Variants in KIAA1143 observed in about 807,000 individuals in gnomAD.
The protein encoded by KIAA1143 is KIAA1143, also known as uncharacterized protein KIAA1143.
A neutral mutation model predicts 17.0 loss-of-function variants in KIAA1143; 8 were observed. The observed-to-expected ratio is 0.47, with a 90% CI of 0.28 to 0.85. KIAA1143 has a LOEUF of 0.85. Among genes scored for constraint, KIAA1143 ranks in the 40% least tolerant of loss-of-function variants. The probability of loss-of-function intolerance (pLI) is 0.12; values close to 1 mark genes in which losing one functional copy is unlikely to be tolerated. For synonymous variants in KIAA1143, 64 were observed against 67.8 expected (o/e 0.94, Z 0.27); for missense variants, 162 against 183.3 (o/e 0.88, Z 0.67).
chr3:44,760,271 A>T (rs1448998114), intron 1 of KIAA1143, among the ~76,000 whole-genome samples: 1 of 152,218 alleles, frequency 6.6e-6, no homozygotes, highest in African/African-American at 2.4e-5. Flanking sequence ...CTTTCTTGTC[A>T]TTCATGTGTT....
intron 1 of KIAA1143, among the ~76,000 whole-genome samples, chr3:44,759,676 T>G (rs998091575): frequency 3.3e-5 from 5 of 151,986 alleles, no homozygotes; most frequent in Non-Finnish European, 7.4e-5. Flanking sequence ...GGAGGATTGC[T>G]TGAGTCCAGG....
Position 44,749,276 on chromosome 3 carries a change from A to C in KIAA1143, c.*4065T>G, listed in dbSNP as rs1419097939. 6.6e-6 allele frequency: 1 copy of C among 152,044 alleles called. No homozygotes were observed. Among genetic ancestry groups the C allele is most frequent in the Non-Finnish European group, 1.5e-5 (1 of 68,032 alleles). 9.4% of individuals were successfully genotyped at this position (152,044 alleles called of 1,614,324 possible). A position where few individuals can be genotyped will look rare whatever the true frequency, so the allele number is the denominator to read the frequency against. On this transcript the variant is annotated 3_prime_UTR_variant, in exon 3 of 3. Transcript: ENST00000296121. Reference sequence around the variant, plus strand: ...TGGTGGCGGGCGACTGTAGTCCCAGATACTTGGGAGGCTGAGGCAAGAGAA... The same window carrying C: ...TGGTGGCGGGCGACTGTAGTCCCAGCTACTTGGGAGGCTGAGGCAAGAGAA...
rs373344137 is a variant in KIAA1143 at position 44,749,848 on chromosome 3, T to C, written c.*3493A>G. On this transcript the variant is annotated 3_prime_UTR_variant, in exon 3 of 3. Transcript: ENST00000296121. ...CTCTGTTGCCCAGGCTGGAGTGCAG[T>C]GGTGCAATCATAGCTCACTGCAGCG... 6.6e-6 allele frequency: 1 copy of C among 152,244 alleles called. No individual in the cohort carries two copies. Among genetic ancestry groups the C allele is most frequent in the Non-Finnish European group, 1.5e-5 (1 of 68,060 alleles). 9.4% of individuals were successfully genotyped at this position (152,244 alleles called of 1,614,324 possible).
rs1704877923 is a variant in KIAA1143 at position 44,750,301 on chromosome 3, T to C, written c.*3040A>G. ...AGGCTTATATTAGGCTTATTTGTAA[T>C]GTTTGAATTATACAGGAAACATTGT... On this transcript the variant is annotated 3_prime_UTR_variant, in exon 3 of 3. Coordinates refer to ENST00000296121, the MANE Select transcript of KIAA1143 (RefSeq NM_020696.4). 1 of 152,230 alleles carries C rather than the reference T, an allele frequency of 6.6e-6. No individual in the cohort carries two copies. The highest frequency in any genetic ancestry group is 2.4e-5 in the African/African-American group (1 of 41,464). 9.4% of individuals were successfully genotyped at this position (152,230 alleles called of 1,614,324 possible).
intron 1 of KIAA1143, among the ~76,000 whole-genome samples, chr3:44,759,624 C>T (rs1000039206): frequency 6.6e-6 from 1 of 151,854 alleles, no homozygotes; most frequent in African/African-American, 2.4e-5. Context: ...CCTAAATGGC[C>T]CAGGCATAGT....
intron 1 of KIAA1143, among the ~76,000 whole-genome samples, chr3:44,758,937 A>C (rs1167403846): frequency 6.7e-6 from 1 of 150,134 alleles, no homozygotes; most frequent in Non-Finnish European, 1.5e-5. Context: ...ATCATGGCTG[A>C]CTGCAGCCTC....
intron 1 of KIAA1143, among the ~76,000 whole-genome samples, chr3:44,757,041 C>T (rs1332639990): frequency 6.6e-6 from 1 of 152,080 alleles, no homozygotes; most frequent in East Asian, 1.9e-4. Flanking sequence ...AGGGAAATTC[C>T]CTTGAGTACA....
chr3:44,755,982 A>G (rs1313045725), intron 1 of KIAA1143, among the ~76,000 whole-genome samples: 1 of 152,194 alleles, frequency 6.6e-6, no homozygotes, highest in Non-Finnish European at 1.5e-5. Context: ...ATTCTCTTTA[A>G]TGGTATCTAT....
intron 1 of KIAA1143, among the ~76,000 whole-genome samples, chr3:44,759,039 T>A (rs1267110043): frequency 6.6e-6 from 1 of 152,076 alleles, no homozygotes; most frequent in East Asian, 1.9e-4. Flanking sequence ...AAATTTTGTA[T>A]TTTTTGTAGA....
chr3:44,749,249 C>T lies in KIAA1143; in HGVS notation c.*4092G>A, dbSNP rs573272132. The T allele has an allele frequency of 6.2e-4, 94 of 152,090 alleles. No homozygotes were observed. The South Asian group carries it at 0.011, about 17-fold the overall frequency. The allele number at this position is 152,090 out of a possible 1,614,324, so 9.4% of individuals were successfully genotyped here. A position where few individuals can be genotyped will look rare whatever the true frequency, so the allele number is the denominator to read the frequency against. ...TAAAAATACAAAAAAATTAGCCGGG[C>T]GTGGTGGCGGGCGACTGTAGTCCCA... is the stretch of plus-strand genomic sequence containing the variant. On this transcript the variant is annotated 3_prime_UTR_variant, in exon 3 of 3. Transcript: ENST00000296121.
chr3:44,756,268 A>G (rs1339490817), intron 1 of KIAA1143, among the ~76,000 whole-genome samples: 2 of 152,210 alleles, frequency 1.3e-5, no homozygotes, highest in African/African-American at 4.8e-5. Context: ...AACTCTCAAG[A>G]AAGTGAATAG....
chr3:44,757,083 A>T (rs1704984456), intron 1 of KIAA1143, among the ~76,000 whole-genome samples: 1 of 152,202 alleles, frequency 6.6e-6, no homozygotes, highest in Non-Finnish European at 1.5e-5. Flanking sequence ...TATTACTTGG[A>T]AAGGATTCCC....
At chr3:44,757,686 T>C (rs1430649144) in intron 1 of KIAA1143, among the ~76,000 whole-genome samples, 1 of 152,130 alleles carries the variant, frequency 6.6e-6, no homozygotes, top group Non-Finnish European at 1.5e-5. Context: ...ATGGATAAGG[T>C]AAAGAGAAAA....
At position 44,754,293 on chromosome 3, in the gene KIAA1143, A is replaced by G; in HGVS notation, c.184T>C (p.Leu62=). 6.2e-7 allele frequency: 1 copy of G among 1,614,030 alleles called. No individual in the cohort carries two copies. Among genetic ancestry groups the G allele is most frequent in the Non-Finnish European group, 8.5e-7 (1 of 1,179,930 alleles). The change falls in exon 2 of 3, where the codon TTA becomes CTA. Residue 62 remains leucine, a synonymous_variant. Transcript: ENST00000296121. Reference sequence around the variant, plus strand: ...TCAACTGACAGGTCTCCCTTTTTTAAAACCACCACTTGAGGCTGTTCATCT... The same window carrying G: ...TCAACTGACAGGTCTCCCTTTTTTAGAACCACCACTTGAGGCTGTTCATCT... The part of the protein sequence containing the change: ...KEDEQPQVVV[L]KKGDLSVEEV...
In KIAA1143 at chr3:44,751,431, C is replaced by G. The variant is rs1285592459; in HGVS notation, c.*1910G>C. 6.6e-6 allele frequency: 1 copy of G among 152,210 alleles called. No individual in the cohort carries two copies. Among genetic ancestry groups the G allele is most frequent in the Non-Finnish European group, 1.5e-5 (1 of 68,040 alleles). 9.4% of individuals were successfully genotyped at this position (152,210 alleles called of 1,614,324 possible). ...CATTGCTCAAAGTATTGTCACCTTA[C>G]AAATTCGGATAGGCTCCTTGGCAGT... On this transcript the variant is annotated 3_prime_UTR_variant, in exon 3 of 3. Coordinates refer to ENST00000296121, the MANE Select transcript of KIAA1143 (RefSeq NM_020696.4).
intron 1 of KIAA1143, among the ~76,000 whole-genome samples, chr3:44,760,385 CTCT>C (rs1355064170): frequency 6.6e-6 from 1 of 152,088 alleles, no homozygotes; most frequent in Non-Finnish European, 1.5e-5. Flanking sequence ...CTTCTGCTTA[CTCT>C]TCTTTTTTTT....
rs758379451 is a variant in KIAA1143, at chr3:44,761,613, G to A, written c.-11C>T. On this transcript the variant is annotated 5_prime_UTR_variant, in exon 1 of 3. Coordinates refer to ENST00000296121, the MANE Select transcript of KIAA1143 (RefSeq NM_020696.4). ...GTTCCGCTTGCTCATGGTAGCTCTG[G>A]GTAAAGACAGAAGACAGGTTCCGCG... The A allele has an allele frequency of 1.9e-6, 3 of 1,551,684 alleles. No individual in the cohort carries two copies. The highest frequency in any genetic ancestry group is 3.5e-5 in the African/African-American group (2 of 56,362).
intron 1 of KIAA1143, among the ~76,000 whole-genome samples, chr3:44,757,128 C>T (rs552421723): frequency 3.9e-5 from 6 of 152,312 alleles, no homozygotes; most frequent in Non-Finnish European, 8.8e-5. Context: ...AAGCTGTAAC[C>T]TTCAAGCTGT....
Position 44,749,139 on chromosome 3 carries a change from A to G in KIAA1143, c.*4202T>C, listed in dbSNP as rs1704858528. The G allele has an allele frequency of 6.6e-6, 1 of 152,288 alleles. No individual in the cohort carries two copies. Among genetic ancestry groups the G allele is most frequent in the South Asian group, 2.1e-4 (1 of 4,832 alleles). 9.4% of individuals were successfully genotyped at this position (152,288 alleles called of 1,614,324 possible). On this transcript the variant is annotated 3_prime_UTR_variant, in exon 3 of 3. Transcript: ENST00000296121. ...CGCGGTGGCTCCTGCCTGTAATCCCAGCACTTTGGGAGGCCGAGGCAGGTG... is the reference window on the plus strand; with the variant it reads ...CGCGGTGGCTCCTGCCTGTAATCCCGGCACTTTGGGAGGCCGAGGCAGGTG...
Sources: gnomAD v4.1 joint callset for allele counts (sites outside exome capture counted in the v4.1 genomes callset) on GRCh38, gnomAD v4.1.1 for gene constraint, MANE v1.5 for transcripts, NCBI Gene and HGNC (gene_info 2026-07-23, HGNC 2026-07-21) for gene names.